TBC1D5: variants seen among roughly 807,000 people sequenced by gnomAD.
TBC1D5 encodes the protein TBC1 domain family member 5, also known as TBC1 domain family, member 5.
A neutral mutation model predicts 100.3 loss-of-function variants in TBC1D5; 75 were observed. That is an observed-to-expected ratio of 0.75 (90% CI 0.62 to 0.91). The LOEUF is 0.91. Ranked by LOEUF, TBC1D5 falls within the 40% of genes least tolerant of loss-of-function variation. The pLI is 0.00. For missense variants in TBC1D5, 910 were observed against 942.4 expected (o/e 0.97, Z 0.45); for synonymous variants, 323 against 325.6 (o/e 0.99, Z 0.09).
intron 19 of TBC1D5, among the ~76,000 whole-genome samples, chr3:17,177,321 G>A (rs1174147641): frequency 6.6e-6 from 1 of 152,114 alleles, no homozygotes. Flanking sequence ...GTATAGGGTT[G>A]GTATAAGGAA....
chr3:17,456,424 CTA>C (rs2095086076), intron 3 of TBC1D5, among the ~76,000 whole-genome samples: 1 of 152,060 alleles, frequency 6.6e-6, no homozygotes, highest in African/African-American at 2.4e-5. Flanking sequence ...AATCACAAGA[CTA>C]TATAAGGAGC....
At chr3:17,653,575 G>A (rs917566774) in intron 1 of TBC1D5, among the ~76,000 whole-genome samples, 2 of 152,094 alleles carry the variant, frequency 1.3e-5, no homozygotes, top group Non-Finnish European at 2.9e-5. Flanking sequence ...ACACACTAGG[G>A]TAGACTAAGG....
At chr3:17,483,329 T>C (rs1414860126) in intron 3 of TBC1D5, among the ~76,000 whole-genome samples, 1 of 152,172 alleles carries the variant, frequency 6.6e-6, no homozygotes, top group Non-Finnish European at 1.5e-5. Flanking sequence ...CTAAAAAAGT[T>C]CCTAGTAGAC....
chr3:17,646,695 G>A lies in TBC1D5; in HGVS notation c.-100-22782C>T, dbSNP rs537482451. On this transcript the variant is annotated intron_variant, in intron 1 of 21. Coordinates refer to ENST00000253692, the Ensembl canonical transcript of TBC1D5. ...TCTTGTTCATTCACCCTTAGCAAGC[G>A]GACTGTTTCTAAAATGCTAATCTGA... Among the ~76,000 whole-genome samples, 41 of 152,122 alleles carry A rather than the reference G, an allele frequency of 2.7e-4. No homozygotes were observed. In the South Asian group the frequency reaches 7.7e-3, roughly 29 times the overall value.
At chr3:17,585,072 T>A (rs983148189) in intron 2 of TBC1D5, among the ~76,000 whole-genome samples, 1 of 152,234 alleles carries the variant, frequency 6.6e-6, no homozygotes, top group Non-Finnish European at 1.5e-5. Flanking sequence ...ATTACAGGTG[T>A]GACCCACCAT....
intron 2 of TBC1D5, among the ~76,000 whole-genome samples, chr3:17,511,025 C>T (rs1687048478): frequency 6.6e-6 from 1 of 151,698 alleles, no homozygotes; most frequent in African/African-American, 2.4e-5. Flanking sequence ...ACAAAAAGAC[C>T]AGGTATAAAA....
chr3:17,496,831 G>C (rs542796167), intron 3 of TBC1D5, among the ~76,000 whole-genome samples: 29 of 152,236 alleles, frequency 1.9e-4, no homozygotes, highest in African/African-American at 6.3e-4. Context: ...GAGTTCAACA[G>C]AGATAACAAC....
chr3:17,648,276 A>G (rs1341396990), intron 1 of TBC1D5, among the ~76,000 whole-genome samples: 2 of 152,126 alleles, frequency 1.3e-5, no homozygotes, highest in Non-Finnish European at 2.9e-5. Flanking sequence ...CTAGCCATAT[A>G]TAGATGATTG....
chr3:17,170,481 T>C (rs995924772), intron 19 of TBC1D5, among the ~76,000 whole-genome samples: 1 of 152,162 alleles, frequency 6.6e-6, no homozygotes, highest in African/African-American at 2.4e-5. Flanking sequence ...ATGTAAGCTC[T>C]TTTGCTCTCC....
In TBC1D5 at chr3:17,469,509, G is replaced by GA. The variant is rs375335378; in HGVS notation, c.97+38964dup. On this transcript the variant is annotated intron_variant, in intron 3 of 21. Transcript: ENST00000253692. ...TTAATCTTACAAGTGACATGCACAA[G>GA]AAAAAAAAAAAAACAGATGTGGCAT... Among the ~76,000 whole-genome samples the GA allele has an allele frequency of 4.6e-3, 580 of 126,246 alleles. 1 individual carries two copies. The highest frequency in any genetic ancestry group is 6.3e-3 in the Non-Finnish European group (360 of 57,346). 82.8% of individuals were successfully genotyped at this position (126,246 alleles called of 152,430 possible).
intron 18 of TBC1D5, among the ~76,000 whole-genome samples, chr3:17,194,444 C>G (rs1249192021): frequency 1.3e-5 from 2 of 152,136 alleles, no homozygotes; most frequent in Non-Finnish European, 2.9e-5. Flanking sequence ...AGAGCTAATT[C>G]TTAGACCATT....
chr3:17,554,196 G>A (rs1226233179), intron 2 of TBC1D5, among the ~76,000 whole-genome samples: 3 of 152,204 alleles, frequency 2.0e-5, no homozygotes, highest in South Asian at 2.1e-4. Context: ...AGGTCATCAA[G>A]AAGAGGTTAT....
chr3:17,731,504 CAAAAA>C (rs11306215), intron 1 of TBC1D5, among the ~76,000 whole-genome samples: 2 of 90,848 alleles, frequency 2.2e-5, no homozygotes, highest in African/African-American at 4.3e-5. Flanking sequence ...GACTCTGTCT[CAAAAA>C]AAAAAAAAAA....
chr3:17,425,819 G>A (rs2149330650), intron 4 of TBC1D5, among the ~76,000 whole-genome samples: 1 of 148,870 alleles, frequency 6.7e-6, no homozygotes, highest in East Asian at 1.9e-4. Flanking sequence ...AGAAAACAAA[G>A]TTACCCATTT....
chr3:17,271,470 C>T (rs982977086), intron 15 of TBC1D5, among the ~76,000 whole-genome samples: 1 of 152,136 alleles, frequency 6.6e-6, no homozygotes, highest in Non-Finnish European at 1.5e-5. Flanking sequence ...TGAAACTTTA[C>T]TGAAGTTGTT....
At chr3:17,429,985 G>A (rs1216871409) in intron 3 of TBC1D5, among the ~76,000 whole-genome samples, 3 of 151,688 alleles carry the variant, frequency 2.0e-5, no homozygotes, top group Non-Finnish European at 4.4e-5. Context: ...ACAATTTATA[G>A]AAGAAAATAA....
At chr3:17,667,176 A>G (rs1431863524) in intron 1 of TBC1D5, among the ~76,000 whole-genome samples, 3 of 152,214 alleles carry the variant, frequency 2.0e-5, no homozygotes, top group African/African-American at 7.2e-5. Context: ...TTTTAAAAAC[A>G]AGCCTACTAA....
chr3:17,410,595 G>C (rs533221161), intron 4 of TBC1D5, among the ~76,000 whole-genome samples: 2 of 152,106 alleles, frequency 1.3e-5, no homozygotes, highest in African/African-American at 2.4e-5. Flanking sequence ...TTAGAGATTC[G>C]TGGTGGAAAG....
chr3:17,492,677 C>T (rs1453129342), intron 3 of TBC1D5, among the ~76,000 whole-genome samples: 1 of 152,178 alleles, frequency 6.6e-6, no homozygotes, highest in African/African-American at 2.4e-5. Context: ...CTCAAGTGAT[C>T]TGTCAACTTT....
Sources: gnomAD v4.1 joint callset for allele counts (sites outside exome capture counted in the v4.1 genomes callset) on GRCh38, gnomAD v4.1.1 for gene constraint, MANE v1.5 for transcripts, NCBI Gene and HGNC (gene_info 2026-07-23, HGNC 2026-07-21) for gene names.